Variants in ZNF609 observed in about 807,000 individuals in gnomAD.
ZNF609 encodes the protein zinc finger protein 609.
Under a neutral mutation model 109.5 loss-of-function variants are expected in ZNF609, and 11 were observed. The observed-to-expected ratio is 0.10, with a 90% CI of 0.06 to 0.17. The LOEUF is 0.17. ZNF609 is among the 10% of genes least tolerant of loss of function. ZNF609 has a pLI of 1.00. For synonymous variants in ZNF609, 646 were observed against 662.0 expected (o/e 0.98, Z 0.37); for missense variants, 1,559 against 1,772.4 (o/e 0.88, Z 2.16).
In ZNF609 at chr15:64,633,597, T is replaced by C. The variant is rs547442259; in HGVS notation, c.973+10545T>C. Among the ~76,000 whole-genome samples the C allele has an allele frequency of 3.3e-5, 5 of 152,330 alleles. No homozygotes were observed. The South Asian group carries it at 6.2e-4, about 19-fold the overall frequency. ...GCCTGGACCCATAAATAAAGTTTTA[T>C]TGGAAGACAGTCATTCTCATTTAAT... On this transcript the variant is annotated intron_variant, in intron 3 of 9. Coordinates refer to ENST00000326648, the MANE Select transcript of ZNF609 (RefSeq NM_015042.2).
At chr15:64,516,560 T>G (rs1893813987) in intron 2 of ZNF609, among the ~76,000 whole-genome samples, 1 of 152,126 alleles carries the variant, frequency 6.6e-6, no homozygotes. Flanking sequence ...GTATTTTTGG[T>G]AGAGATGGGG....
intron 3 of ZNF609, among the ~76,000 whole-genome samples, chr15:64,647,504 A>G (rs1896352875): frequency 6.6e-6 from 1 of 152,074 alleles, no homozygotes; most frequent in Non-Finnish European, 1.5e-5. Flanking sequence ...TATATTATAT[A>G]TTTTTGTTGC....
intron 2 of ZNF609, among the ~76,000 whole-genome samples, chr15:64,596,821 A>G (rs1895405406): frequency 6.6e-6 from 1 of 152,124 alleles, no homozygotes; most frequent in Non-Finnish European, 1.5e-5. Context: ...AAAAAGCACT[A>G]TTTGTACCCT....
chr15:64,611,736 C>CTTTT (rs908372761), intron 2 of ZNF609, among the ~76,000 whole-genome samples: 1 of 143,436 alleles, frequency 7.0e-6, no homozygotes, highest in African/African-American at 2.5e-5. Context: ...ATTTTCTTTT[C>CTTTT]TTTTTTTTTT....
intron 3 of ZNF609, among the ~76,000 whole-genome samples, chr15:64,639,597 G>T (rs185221923): frequency 6.6e-6 from 1 of 152,128 alleles, no homozygotes; most frequent in Non-Finnish European, 1.5e-5. Context: ...CACTGGATTA[G>T]GGCAGACCCT....
chr15:64,499,633 A>G lies in ZNF609; in HGVS notation c.214A>G (p.Ile72Val). The G allele has an allele frequency of 6.2e-7, 1 of 1,614,190 alleles. No homozygotes were observed. The highest frequency in any genetic ancestry group is 8.5e-7 in the Non-Finnish European group (1 of 1,180,038). Residue 72 changes from isoleucine to valine, a missense_variant, in exon 2 of 10, where the codon ATC becomes GTC. Physicochemically the swap from Ile to Val is conservative, Grantham distance 29. Transcript: ENST00000326648. ...TGCTGTGGCCACACTACCAGACAAC[A>G]TCAAGTTTGTGACCCCAGTGCCAGG... Reference protein sequence around the residue: ...PNAVATLPDNIKFVTPVPGPQ... With the variant: ...PNAVATLPDNVKFVTPVPGPQ...
rs771560329 is a variant in ZNF609 at position 64,680,252 on chromosome 15, T to C, written c.3837T>C (p.Ala1279=). 1 of 1,614,178 alleles carries C rather than the reference T, an allele frequency of 6.2e-7. No individual in the cohort carries two copies. The highest frequency in any genetic ancestry group is 8.5e-7 in the Non-Finnish European group (1 of 1,180,038). Residue 1279 remains alanine (A), a synonymous_variant, in exon 7 of 10, where the codon GCT becomes GCC. Coordinates refer to ENST00000326648, the MANE Select transcript of ZNF609 (RefSeq NM_015042.2). ...GCAAGGTCTCAGGTGGTGAAGATGC[T>C]GACAAGGCACGAGCCAGCCCCAGTG... ...YGSKVSGGED[A]DKARASPSVT...
chr15:64,486,807 G>C (rs1893340818), intron 1 of ZNF609, among the ~76,000 whole-genome samples: 1 of 152,100 alleles, frequency 6.6e-6, no homozygotes, highest in Admixed American at 6.6e-5. Context: ...AGTAGAGGCA[G>C]GTTTTGCCAT....
At chr15:64,492,282 G>A (rs1893424404) in intron 1 of ZNF609, among the ~76,000 whole-genome samples, 1 of 152,042 alleles carries the variant, frequency 6.6e-6, no homozygotes, top group Non-Finnish European at 1.5e-5. Context: ...GTGAAGGTAG[G>A]CATAGCCTAA....
rs544608973 is a variant in ZNF609, at chr15:64,516,268, C to G, written c.747+16102C>G. Among the ~76,000 whole-genome samples the G allele has an allele frequency of 6.1e-4, 93 of 152,268 alleles. 2 individuals are homozygous for G. In the South Asian group the frequency reaches 0.019, roughly 31 times the overall value. On this transcript the variant is annotated intron_variant, in intron 2 of 9. Transcript: ENST00000326648. Reference sequence around the variant, plus strand: ...TTAATCTCTTCCATTCCCCTGCCCCCCTGGAGTATATTTTTTAATTTTTAA... The same window carrying G: ...TTAATCTCTTCCATTCCCCTGCCCCGCTGGAGTATATTTTTTAATTTTTAA...
chr15:64,516,095 T>C (rs2140361061), intron 2 of ZNF609, among the ~76,000 whole-genome samples: 1 of 152,242 alleles, frequency 6.6e-6, no homozygotes, highest in East Asian at 1.9e-4. Flanking sequence ...TCAGGGAAGA[T>C]AGTTGGAAAA....
Position 64,505,571 on chromosome 15 carries a change from GT to G in ZNF609, c.747+5408del, listed in dbSNP as rs538670717. Among the ~76,000 whole-genome samples, 556 of 152,212 alleles carry G rather than the reference GT, an allele frequency of 3.7e-3. 2 individuals carry two copies. Among genetic ancestry groups the G allele is most frequent in the Non-Finnish European group, 6.3e-3 (429 of 68,020 alleles). On this transcript the variant is annotated intron_variant, in intron 2 of 9. Coordinates refer to ENST00000326648, the MANE Select transcript of ZNF609 (RefSeq NM_015042.2). ...GTCTCTGCTTTTTGAGGAGCTTACAGTTTACCGTCTACAGCAGAGTTCCTAA... is the reference window on the plus strand; with the variant it reads ...GTCTCTGCTTTTTGAGGAGCTTACAGTTACCGTCTACAGCAGAGTTCCTAA...
chr15:64,626,474 G>A (rs1309044721), intron 3 of ZNF609, among the ~76,000 whole-genome samples: 1 of 151,704 alleles, frequency 6.6e-6, no homozygotes, highest in Non-Finnish European at 1.5e-5. Flanking sequence ...TCTGCCTCTC[G>A]ACATTTTGTA....
intron 8 of ZNF609, 117 bp from the exon 9 acceptor site, chr15:64,681,192 A>G: frequency 1.1e-6 from 1 of 892,350 alleles, no homozygotes; most frequent in Non-Finnish European, 1.8e-6. Flanking sequence ...TATCTCCAGC[A>G]AATATATCTG....
At chr15:64,587,530 C>G (rs1186136321) in intron 2 of ZNF609, among the ~76,000 whole-genome samples, 1 of 152,064 alleles carries the variant, frequency 6.6e-6, no homozygotes, top group Non-Finnish European at 1.5e-5. Flanking sequence ...TGTGTATTTT[C>G]TTGCATTTGT....
At chr15:64,558,872 ACT>A (rs971810789) in intron 2 of ZNF609, among the ~76,000 whole-genome samples, 1 of 150,978 alleles carries the variant, frequency 6.6e-6, no homozygotes, top group African/African-American at 2.4e-5. Context: ...TAGCTTTGAA[ACT>A]CTAAAATATT....
At chr15:64,473,614 CT>C (rs920786666) in intron 1 of ZNF609, among the ~76,000 whole-genome samples, 1 of 147,704 alleles carries the variant, frequency 6.8e-6, no homozygotes, top group Non-Finnish European at 1.5e-5. Context: ...TAGCCTTTTT[CT>C]TTTTTTTTGA....
chr15:64,635,172 A>G (rs747925363), intron 3 of ZNF609, among the ~76,000 whole-genome samples: 1 of 152,190 alleles, frequency 6.6e-6, no homozygotes, highest in Non-Finnish European at 1.5e-5. Flanking sequence ...GGCAGTATAT[A>G]TAGGTGACTA....
chr15:64,518,769 G>C (rs1222813766), intron 2 of ZNF609, among the ~76,000 whole-genome samples: 2 of 152,098 alleles, frequency 1.3e-5, no homozygotes, highest in African/African-American at 4.8e-5. Flanking sequence ...GGAAGAGATT[G>C]AAGAAGAAGT....
Sources: allele counts gnomAD v4.1 joint callset (sites outside exome capture counted in the v4.1 genomes callset), GRCh38; gene constraint gnomAD v4.1.1; transcripts MANE v1.5; gene names NCBI Gene and HGNC (gene_info 2026-07-23, HGNC 2026-07-21).